RASEF: variants seen among roughly 807,000 people sequenced by gnomAD.
RASEF encodes the protein RAS and EF-hand domain containing, also known as ras and EF-hand domain-containing protein.
A neutral mutation model predicts 90.1 loss-of-function variants in RASEF; 68 were observed. That is an observed-to-expected ratio of 0.75 (90% confidence interval 0.62 to 0.92). RASEF has a LOEUF of 0.92. Ranked by LOEUF, RASEF falls within the 40% of genes least tolerant of loss-of-function variation. RASEF has a pLI of 0.00. For missense variants in RASEF, 949 were observed against 937.2 expected, an observed-to-expected ratio of 1.01 and a Z score of -0.16; for synonymous variants, 331 against 345.2, an observed-to-expected ratio of 0.96 and a Z score of 0.46.
At chr9:83,040,352 T>C (rs1454436412) in intron 1 of RASEF, among the ~76,000 whole-genome samples, 2 of 152,194 alleles carry the variant, frequency 1.3e-5, no homozygotes, top group African/African-American at 2.4e-5. Context: ...GTGGGGGCAT[T>C]TTTAACAAAA....
chr9:83,144,417 A>AAAGAAAGAAAGAAAGAAAGAAAGAAAG, the RASEF span, among the ~76,000 whole-genome samples: 1 of 135,718 alleles, frequency 7.4e-6, no homozygotes, highest in Admixed American at 7.6e-5. Context: ...AGAAAGAAAG[A>AAAGAAAGAAAGAAAGAAAGAAAGAAAG]AAAGAAAAGA....
chr9:83,022,213 G>C (rs918591715), intron 3 of RASEF, 123 bp downstream of exon 3: 1 of 718,526 alleles, frequency 1.4e-6, no homozygotes, highest in South Asian at 1.6e-5. Context: ...CCTTTGCTGG[G>C]AGACTCTGCA....
intron 14 of RASEF, among the ~76,000 whole-genome samples, chr9:82,996,556 A>G (rs1226702143): frequency 6.6e-6 from 1 of 152,166 alleles, no homozygotes; most frequent in Non-Finnish European, 1.5e-5. Flanking sequence ...AATAAGGTTG[A>G]GAAGAGAAGA....
the RASEF span, among the ~76,000 whole-genome samples, chr9:83,213,040 A>G: frequency 6.6e-6 from 1 of 151,648 alleles, no homozygotes; most frequent in Non-Finnish European, 1.5e-5. Context: ...AACACAAAAT[A>G]GTTTCTTCTT....
chr9:83,142,688 G>A, the RASEF span, among the ~76,000 whole-genome samples: 1 of 152,154 alleles, frequency 6.6e-6, no homozygotes, highest in Non-Finnish European at 1.5e-5. Context: ...AGGATTCCAG[G>A]AGCTTAACAC....
chr9:83,038,629 A>C, intron 1 of RASEF, among the ~76,000 whole-genome samples: 1 of 151,726 alleles, frequency 6.6e-6, no homozygotes. Context: ...TATTCACATA[A>C]GTGATAAGAA....
intron 3 of RASEF, among the ~76,000 whole-genome samples, chr9:83,018,003 A>T (rs1348411489): frequency 6.6e-6 from 1 of 152,204 alleles, no homozygotes; most frequent in Non-Finnish European, 1.5e-5. Context: ...TGACTAAAAC[A>T]ACAGCAACAA....
At chr9:83,210,698 CTTGAG>C in the RASEF span, among the ~76,000 whole-genome samples, 16 of 152,272 alleles carry the variant, frequency 1.1e-4, no homozygotes, top group Admixed American at 2.6e-4. Context: ...ATTTTTGTTT[CTTGAG>C]TTATCTAATG....
chr9:83,161,367 A>G, the RASEF span, among the ~76,000 whole-genome samples: 1 of 152,150 alleles, frequency 6.6e-6, no homozygotes, highest in African/African-American at 2.4e-5. Context: ...AAAGGAGATC[A>G]TTTTGGAGCT....
chr9:83,134,449 C>CACAT, the RASEF span, among the ~76,000 whole-genome samples: 117 of 139,408 alleles, frequency 8.4e-4, no homozygotes, highest in African/African-American at 1.9e-3. Context: ...CACACACACA[C>CACAT]ATATATATAT....
At chr9:83,115,480 G>T in the RASEF span, among the ~76,000 whole-genome samples, 1 of 152,132 alleles carries the variant, frequency 6.6e-6, no homozygotes, top group Non-Finnish European at 1.5e-5. Context: ...TGTCTCCACT[G>T]GTCAATTTCC....
the RASEF span, among the ~76,000 whole-genome samples, chr9:83,091,274 C>T: frequency 2.6e-5 from 4 of 152,314 alleles, no homozygotes; most frequent in African/African-American, 9.6e-5. Flanking sequence ...GGACATCTAG[C>T]CAGGTGCAGT....
At chr9:83,034,912 T>A (rs1449887923) in intron 1 of RASEF, among the ~76,000 whole-genome samples, 1 of 152,136 alleles carries the variant, frequency 6.6e-6, no homozygotes, top group East Asian at 1.9e-4. Context: ...ATGTTGGTAA[T>A]CAGTAAGTGC....
the RASEF span, among the ~76,000 whole-genome samples, chr9:83,089,971 T>G: frequency 6.6e-6 from 1 of 152,200 alleles, no homozygotes; most frequent in Non-Finnish European, 1.5e-5. Flanking sequence ...TATAGATAGA[T>G]GCATATGTTG....
At chr9:83,045,537 C>T (rs1829912707) in intron 1 of RASEF, among the ~76,000 whole-genome samples, 1 of 152,184 alleles carries the variant, frequency 6.6e-6, no homozygotes, top group African/African-American at 2.4e-5. Context: ...ATCCTGAAGA[C>T]AGCTCATTTG....
At chr9:83,127,538 G>C in the RASEF span, among the ~76,000 whole-genome samples, 1 of 152,116 alleles carries the variant, frequency 6.6e-6, no homozygotes. Context: ...ATCCCAAGTA[G>C]AAAAATTCCA....
At chr9:82,989,367 A>G (rs1828772094) in intron 16 of RASEF, among the ~76,000 whole-genome samples, 1 of 152,092 alleles carries the variant, frequency 6.6e-6, no homozygotes, top group Admixed American at 6.6e-5. Context: ...TCACTCAGGA[A>G]TTAATGTCCA....
the RASEF span, among the ~76,000 whole-genome samples, chr9:83,209,538 C>A: frequency 6.6e-6 from 1 of 152,212 alleles, no homozygotes; most frequent in African/African-American, 2.4e-5. Flanking sequence ...GGGCTGCAGA[C>A]CCCTGGGGTG....
At chr9:83,183,923 G>C in the RASEF span, among the ~76,000 whole-genome samples, 1 of 152,148 alleles carries the variant, frequency 6.6e-6, no homozygotes, top group African/African-American at 2.4e-5. Context: ...TCACCTGGAG[G>C]GTTTGTTAAA....
Sources: allele counts gnomAD v4.1 joint callset (sites outside exome capture counted in the v4.1 genomes callset), GRCh38; gene constraint gnomAD v4.1.1; transcripts MANE v1.5; gene names NCBI Gene and HGNC (gene_info 2026-07-23, HGNC 2026-07-21).